Variants in PHYHIPL observed in about 807,000 individuals in gnomAD.
The protein encoded by PHYHIPL is phytanoyl-CoA hydroxylase-interacting protein-like.
Under a neutral mutation model 33.4 loss-of-function variants are expected in PHYHIPL, and 9 were observed. The observed-to-expected ratio is 0.27, with a 90% confidence interval of 0.16 to 0.47. PHYHIPL has a LOEUF of 0.47. Ranked by LOEUF, PHYHIPL falls within the 20% of genes least tolerant of loss-of-function variation. The pLI is 0.99. For missense variants in PHYHIPL, 365 were observed against 460.7 expected, an observed-to-expected ratio of 0.79 and a Z score of 1.90; for synonymous variants, 153 against 154.1, an observed-to-expected ratio of 0.99 and a Z score of 0.05.
intron 1 of PHYHIPL, among the ~76,000 whole-genome samples, chr10:59,214,479 AAAAACTGTTTC>A (rs1172755230): frequency 6.6e-6 from 1 of 152,122 alleles, no homozygotes; most frequent in African/African-American, 2.4e-5. Flanking sequence ...AAGAAACTTT[AAAAACTGTTTC>A]CAGTAATAAT....
At chr10:59,227,749 A>G (rs1180012129) in intron 1 of PHYHIPL, among the ~76,000 whole-genome samples, 1 of 152,140 alleles carries the variant, frequency 6.6e-6, no homozygotes, top group African/African-American at 2.4e-5. Flanking sequence ...TAAGGGGAGT[A>G]TCTGAATAGT....
intron 1 of PHYHIPL, among the ~76,000 whole-genome samples, chr10:59,190,199 G>A (rs1457241228): frequency 6.6e-6 from 1 of 151,864 alleles, no homozygotes; most frequent in Non-Finnish European, 1.5e-5. Context: ...ATCAGCTTCA[G>A]CATCCACTAT....
At chr10:59,236,998 CTTT>C (rs57712085) in intron 3 of PHYHIPL, among the ~76,000 whole-genome samples, 4 of 141,730 alleles carry the variant, frequency 2.8e-5, no homozygotes, top group African/African-American at 1.0e-4. Flanking sequence ...CTTTTTTCTC[CTTT>C]TTTTTTTTTT....
At chr10:59,226,365 C>T (rs72808504) in intron 1 of PHYHIPL, among the ~76,000 whole-genome samples, 14,106 of 152,026 alleles carry the variant, frequency 0.093, 841 homozygotes, top group South Asian at 0.2. Flanking sequence ...TCCCAAAGAA[C>T]CAAACTGAAT....
Position 59,210,694 on chromosome 10 carries a change from A to G in PHYHIPL, c.107-23610A>G, listed in dbSNP as rs139636261. Among the ~76,000 whole-genome samples, 1,086 of 152,336 alleles carry G rather than the reference A, an allele frequency of 7.1e-3. 11 individuals carry two copies. The highest frequency in any genetic ancestry group is 0.024 in the African/African-American group (992 of 41,574). ...ACCGACCCAAATGCTCATCAATGAT[A>G]GACTGGATAAAGAAAATGTGGCACA... is the stretch of plus-strand genomic sequence containing the variant. On this transcript the variant is annotated intron_variant, in intron 1 of 4. Transcript: ENST00000373880.
At chr10:59,206,126 T>C (rs1839277409) in intron 1 of PHYHIPL, among the ~76,000 whole-genome samples, 1 of 152,224 alleles carries the variant, frequency 6.6e-6, no homozygotes, top group Non-Finnish European at 1.5e-5. Flanking sequence ...AATGAATCTA[T>C]CCCTTATTTT....
At chr10:59,176,589 C>T (rs2133167640), upstream of PHYHIPL, 1 of 306,044 alleles carries the variant, frequency 3.3e-6, no homozygotes, top group Middle Eastern at 9.3e-4. Flanking sequence ...AGCGTCCCCT[C>T]CCCGCCGGGA....
At chr10:59,224,913 A>C (rs1421521693) in intron 1 of PHYHIPL, among the ~76,000 whole-genome samples, 1 of 152,100 alleles carries the variant, frequency 6.6e-6, no homozygotes, top group Non-Finnish European at 1.5e-5. Context: ...ACATAAAAAT[A>C]GTAACTCTGC....
upstream of PHYHIPL, among the ~76,000 whole-genome samples, chr10:59,176,221 C>T (rs959483627): frequency 6.6e-6 from 1 of 152,188 alleles, no homozygotes; most frequent in Admixed American, 6.5e-5. Context: ...TCCGAAGAGT[C>T]CGGGCCCTTA....
At chr10:59,180,232 G>T (rs1838364989) in intron 1 of PHYHIPL, among the ~76,000 whole-genome samples, 1 of 138,300 alleles carries the variant, frequency 7.2e-6, no homozygotes, top group Non-Finnish European at 1.5e-5. Context: ...TATTACTTGT[G>T]CTTTTCGTCT....
At chr10:59,241,630 GTTA>G (rs1554800689) in intron 4 of PHYHIPL, among the ~76,000 whole-genome samples, 1 of 152,054 alleles carries the variant, frequency 6.6e-6, no homozygotes, top group Non-Finnish European at 1.5e-5. Context: ...ATATGTTGCT[GTTA>G]TTATTTCATG....
upstream of PHYHIPL, among the ~76,000 whole-genome samples, chr10:59,175,758 G>A (rs986284461): frequency 6.6e-6 from 1 of 152,204 alleles, no homozygotes; most frequent in African/African-American, 2.4e-5. Context: ...ATTAGCTATT[G>A]TAGCAAAGAT....
intron 1 of PHYHIPL, among the ~76,000 whole-genome samples, chr10:59,233,573 A>G (rs1337094873): frequency 6.6e-6 from 1 of 151,690 alleles, no homozygotes; most frequent in Non-Finnish European, 1.5e-5. Flanking sequence ...TTTTTGTCCT[A>G]TGATCCATCA....
chr10:59,244,985 G>T, intron 4 of PHYHIPL, 72 bp from the exon 5 acceptor site: 2 of 1,483,660 alleles, frequency 1.3e-6, no homozygotes, highest in Non-Finnish European at 1.8e-6. Context: ...TGACTTTTAG[G>T]CCATTCAAAT....
chr10:59,242,027 G>C (rs550008211), intron 4 of PHYHIPL, among the ~76,000 whole-genome samples: 1 of 152,096 alleles, frequency 6.6e-6, no homozygotes, highest in African/African-American at 2.4e-5. Context: ...CAAACAAACC[G>C]TAGTCCCTCA....
chr10:59,245,593 G>GCCCA lies in PHYHIPL; in HGVS notation c.*4_*7dup, dbSNP rs1564463283. The GCCCA allele has an allele frequency of 6.3e-7, 1 of 1,581,790 alleles. No individual in the cohort carries two copies. The highest frequency in any genetic ancestry group is 1.8e-5 in the Admixed American group (1 of 55,098). On this transcript the variant is annotated 3_prime_UTR_variant, in exon 5 of 5. Coordinates refer to ENST00000373880, the MANE Select transcript of PHYHIPL (RefSeq NM_032439.4). ...TGTAATATCAGTGTTGGACGTTAAT[G>GCCCA]CCCACTTTTCTTATTCTTACTCAGC...
intron 1 of PHYHIPL, among the ~76,000 whole-genome samples, chr10:59,223,617 A>G (rs549725624): frequency 3.2e-4 from 49 of 152,296 alleles, no homozygotes; most frequent in Middle Eastern, 3.4e-3. Flanking sequence ...ATAAAATAAA[A>G]ATAATAAAAA....
intron 1 of PHYHIPL, among the ~76,000 whole-genome samples, chr10:59,224,680 C>A (rs532605925): frequency 6.6e-6 from 1 of 152,132 alleles, no homozygotes; most frequent in South Asian, 2.1e-4. Flanking sequence ...TTCACTTTAA[C>A]ACATTGTATT....
upstream of PHYHIPL, among the ~76,000 whole-genome samples, chr10:59,174,013 A>C (rs1159390807): frequency 7.3e-6 from 1 of 136,814 alleles, no homozygotes; most frequent in Non-Finnish European, 1.5e-5. Flanking sequence ...AGAAACTTAC[A>C]GCACTCTGGA....
Sources: gnomAD v4.1 joint callset for allele counts (sites outside exome capture counted in the v4.1 genomes callset) on GRCh38, gnomAD v4.1.1 for gene constraint, MANE v1.5 for transcripts, NCBI Gene and HGNC (gene_info 2026-07-23, HGNC 2026-07-21) for gene names.